CCDC171: variants seen among roughly 807,000 people sequenced by gnomAD.
CCDC171 encodes coiled-coil domain containing 171.
A neutral mutation model predicts 168.2 loss-of-function variants in CCDC171; 177 were observed. The observed-to-expected ratio is 1.05, with a 90% CI of 0.93 to 1.19. The LOEUF (loss-of-function observed/expected upper bound fraction) is 1.19. Among genes scored for constraint, CCDC171 ranks in the 50% most tolerant of loss-of-function variants. The pLI is 0.00. For synonymous variants in CCDC171, 687 were observed against 540.8 expected (o/e 1.27, Z -3.75); for missense variants, 1,991 against 1,539.0 (o/e 1.29, Z -4.91).
At chr9:15,906,669 C>T (rs1266463059) in intron 24 of CCDC171, among the ~76,000 whole-genome samples, 1 of 152,096 alleles carries the variant, frequency 6.6e-6, no homozygotes, top group Admixed American at 6.5e-5. Flanking sequence ...GAAGTTCTGG[C>T]CAGGGCAATC....
intron 11 of CCDC171, among the ~76,000 whole-genome samples, chr9:15,707,516 A>G (rs2052338596): frequency 6.6e-6 from 1 of 152,202 alleles, no homozygotes; most frequent in Non-Finnish European, 1.5e-5. Context: ...ACTCATTTCC[A>G]ACCATCTTTT....
intron 1 of CCDC171, among the ~76,000 whole-genome samples, chr9:16,052,371 G>T (rs1833763010): frequency 6.6e-6 from 1 of 152,102 alleles, no homozygotes; most frequent in Non-Finnish European, 1.5e-5. Flanking sequence ...TGAGACTGTG[G>T]CTCATCCGGG....
intron 4 of CCDC171, among the ~76,000 whole-genome samples, chr9:15,585,795 T>C (rs1203272836): frequency 6.6e-6 from 1 of 152,028 alleles, no homozygotes; most frequent in Non-Finnish European, 1.5e-5. Context: ...CTGACCAACA[T>C]AGTGAAACCC....
At chr9:15,933,945 TA>T (rs1826810768) in intron 25 of CCDC171, among the ~76,000 whole-genome samples, 1 of 151,894 alleles carries the variant, frequency 6.6e-6, no homozygotes, top group African/African-American at 2.4e-5. Flanking sequence ...TCTTCAAAAT[TA>T]AAAGCATGGA....
rs1309131228 is a variant in CCDC171 at position 15,657,219 on chromosome 9, G to C, written c.915G>C (p.Gln305His). 3 of 1,586,698 alleles carry C rather than the reference G, an allele frequency of 1.9e-6. No homozygotes were observed. Among genetic ancestry groups the C allele is most frequent in the South Asian group, 1.1e-5 (1 of 89,908 alleles). Residue 305 changes from glutamine to histidine, a missense_variant and splice_region_variant, in exon 8 of 26, where the codon CAG becomes CAC. Coordinates refer to ENST00000380701, the MANE Select transcript of CCDC171 (RefSeq NM_173550.4). ...LESKFNSEIIQLRIRDLEGAL... is the reference protein window; with the variant it reads ...LESKFNSEIIHLRIRDLEGAL... ...CAAAATTTAATTCTGAAATTATTCA[G>C]GTAAAATGTAAACAAATATTTTGGC...
intron 24 of CCDC171, among the ~76,000 whole-genome samples, chr9:15,906,543 A>G (rs142793820): frequency 0.01 from 1,539 of 152,342 alleles, 28 homozygotes; most frequent in African/African-American, 0.035. Context: ...AGAGCTATCT[A>G]TGACAAACCC....
At chr9:15,860,222 G>A in intron 23 of CCDC171, among the ~76,000 whole-genome samples, 1 of 150,860 alleles carries the variant, frequency 6.6e-6, no homozygotes, top group East Asian at 1.9e-4. Context: ...TAAACTCTTA[G>A]TTTTACTGAT....
At chr9:15,843,041 G>A (rs1386899639) in intron 21 of CCDC171, among the ~76,000 whole-genome samples, 3 of 151,804 alleles carry the variant, frequency 2.0e-5, no homozygotes, top group African/African-American at 7.3e-5. Context: ...TTTCCTGCCA[G>A]CTTTCATTAA....
chr9:15,744,558 G>T lies in CCDC171; in HGVS notation c.2335G>T (p.Val779Leu). Residue 779 changes from valine to leucine, a missense_variant, in exon 17 of 26, where the codon GTA becomes TTA. Physicochemically the swap from Val to Leu is conservative, Grantham distance 32 (BLOSUM62 1). Transcript: ENST00000380701. ...IRTLAQALST[V>L]EEKKQEEAKM... ...AACTCTAGCCCAGGCTTTGTCAACT[G>T]TAGAGGAAAAGAAGCAAGAGGAAGC... is the stretch of plus-strand genomic sequence containing the variant. The T allele has an allele frequency of 6.2e-7, 1 of 1,614,176 alleles. No individual in the cohort carries two copies. Among genetic ancestry groups the T allele is most frequent in the Non-Finnish European group, 8.5e-7 (1 of 1,180,026 alleles).
At chr9:15,674,242 T>C (rs1351017836) in intron 9 of CCDC171, among the ~76,000 whole-genome samples, 3 of 152,176 alleles carry the variant, frequency 2.0e-5, no homozygotes, top group Admixed American at 6.5e-5. Flanking sequence ...TATTTGATTC[T>C]TCTCTCTTTT....
chr9:15,672,292 C>G (rs1314695802), intron 9 of CCDC171, among the ~76,000 whole-genome samples: 1 of 152,152 alleles, frequency 6.6e-6, no homozygotes, highest in Non-Finnish European at 1.5e-5. Flanking sequence ...TTCTCCCATT[C>G]TGTAAGTTGC....
intron 4 of CCDC171, among the ~76,000 whole-genome samples, chr9:15,588,903 G>T (rs946936202): frequency 6.6e-6 from 1 of 151,706 alleles, no homozygotes; most frequent in Non-Finnish European, 1.5e-5. Context: ...GTAGAGATGG[G>T]GTTTCACCGT....
chr9:15,632,528 A>G (rs1205623901), intron 7 of CCDC171, among the ~76,000 whole-genome samples: 1 of 152,202 alleles, frequency 6.6e-6, no homozygotes, highest in East Asian at 1.9e-4. Context: ...AAGAGGATAC[A>G]AACAAATGGA....
the CCDC171 span, among the ~76,000 whole-genome samples, chr9:16,071,560 G>A: frequency 6.6e-6 from 1 of 152,206 alleles, no homozygotes; most frequent in Non-Finnish European, 1.5e-5. Flanking sequence ...TGGCCATGGA[G>A]AATACATTCC....
At chr9:15,695,436 A>C in intron 11 of CCDC171, 99 bp downstream of exon 11, 1 of 854,336 alleles carries the variant, frequency 1.2e-6, no homozygotes, top group Non-Finnish European at 2.0e-6. Flanking sequence ...CCTCATCTCA[A>C]CATGTTTTGA....
At chr9:15,675,597 G>T (rs1170930028) in intron 9 of CCDC171, among the ~76,000 whole-genome samples, 1 of 152,114 alleles carries the variant, frequency 6.6e-6, no homozygotes, top group Non-Finnish European at 1.5e-5. Context: ...GCATTTGTTT[G>T]TCTGAAAAGG....
chr9:16,063,668 A>T (rs751313973), downstream of CCDC171, among the ~76,000 whole-genome samples: 1 of 148,744 alleles, frequency 6.7e-6, no homozygotes, highest in Non-Finnish European at 1.5e-5. Context: ...GTGGATCTGC[A>T]TGTGCCTTTT....
intron 6 of CCDC171, among the ~76,000 whole-genome samples, chr9:15,612,655 T>C (rs768372899): frequency 6.6e-6 from 1 of 152,196 alleles, no homozygotes; most frequent in Non-Finnish European, 1.5e-5. Context: ...ATTTTCTTGG[T>C]TGGGCACATT....
At chr9:15,580,107 C>T (rs1258940449) in intron 4 of CCDC171, among the ~76,000 whole-genome samples, 1 of 152,000 alleles carries the variant, frequency 6.6e-6, no homozygotes, top group African/African-American at 2.4e-5. Context: ...CAAACAAAAA[C>T]ATAAAGTGGG....
Sources: gnomAD v4.1 joint callset for allele counts (sites outside exome capture counted in the v4.1 genomes callset) on GRCh38, gnomAD v4.1.1 for gene constraint, MANE v1.5 for transcripts, NCBI Gene and HGNC (gene_info 2026-07-23, HGNC 2026-07-21) for gene names.